The following SMCHD1 variants were observed in gnomAD, a reference collection of about 807,000 sequenced individuals.
SMCHD1 encodes the protein structural maintenance of chromosomes flexible hinge domain-containing protein 1.
A neutral mutation model predicts 254.7 loss-of-function variants in SMCHD1; 78 were observed. The ratio of observed to expected loss-of-function variants is 0.31; its 90% CI spans 0.26 to 0.37. The LOEUF is 0.37. SMCHD1 is among the 10% of genes least tolerant of loss of function. The probability of loss-of-function intolerance (pLI) is 1.00; values close to 1 mark genes in which losing one functional copy is unlikely to be tolerated. For missense variants in SMCHD1, 1,840 were observed against 2,408.1 expected, an observed-to-expected ratio of 0.76 and a Z score of 4.94; for synonymous variants, 766 against 794.9, an observed-to-expected ratio of 0.96 and a Z score of 0.61.
intron 45 of SMCHD1, among the ~76,000 whole-genome samples, chr18:2,791,803 A>T (rs1313838914): frequency 1.3e-5 from 2 of 152,204 alleles, no homozygotes; most frequent in Non-Finnish European, 2.9e-5. Context: ...GTTCACAGAC[A>T]GGTTACTGGG....
At chr18:2,656,411 C>A in intron 1 of SMCHD1, 150 bp downstream of exon 1, 1 of 773,584 alleles carries the variant, frequency 1.3e-6, no homozygotes. Flanking sequence ...CCGCCATGTC[C>A]GTGACCTGGT....
Position 2,718,687 on chromosome 18 carries a change from C to A in SMCHD1, c.2458+253C>A, listed in dbSNP as rs2074854910. ...TTTCCTGCCTCAGCCTCCCGAGTAG[C>A]TGGGATTACAGGCGCCCGCCACCAC... On this transcript the variant is annotated intron_variant, in intron 19 of 47. Coordinates refer to ENST00000320876, the MANE Select transcript of SMCHD1 (RefSeq NM_015295.3). The surrounding 1 kb of genome is among the most constrained non-coding windows in gnomAD (Gnocchi z 4.6). 6.6e-6 allele frequency among the ~76,000 whole-genome samples: 1 copy of A among 152,098 alleles called. No homozygotes were observed. Among genetic ancestry groups the A allele is most frequent in the Non-Finnish European group, 1.5e-5 (1 of 68,010 alleles).
At chr18:2,673,878 A>T in intron 4 of SMCHD1, 137 bp from the exon 5 acceptor site, 1 of 826,544 alleles carries the variant, frequency 1.2e-6, no homozygotes, top group Non-Finnish European at 1.8e-6. Flanking sequence ...AGTGCCTTTC[A>T]GAAAATTGTA....
At chr18:2,689,923 C>T (rs538744199) in intron 7 of SMCHD1, among the ~76,000 whole-genome samples, 62 of 149,006 alleles carry the variant, frequency 4.2e-4, no homozygotes, top group Middle Eastern at 3.6e-3. Flanking sequence ...GCTCAGCAGG[C>T]TGAGGTGGGA....
At chr18:2,722,936 TATA>T (rs1421290845) in intron 20 of SMCHD1, among the ~76,000 whole-genome samples, 1 of 147,052 alleles carries the variant, frequency 6.8e-6, no homozygotes, top group Non-Finnish European at 1.5e-5. Context: ...GCAAGTATGA[TATA>T]ATGTCTCTTA....
intron 8 of SMCHD1, among the ~76,000 whole-genome samples, chr18:2,696,443 C>T (rs187131738): frequency 9.5e-4 from 145 of 152,258 alleles, no homozygotes; most frequent in Non-Finnish European, 1.7e-3. Flanking sequence ...TGAGATATTG[C>T]GTGCTCCTTA....
chr18:2,702,292 T>TC (rs2074417072), intron 12 of SMCHD1: 1 of 35,860 alleles, frequency 2.8e-5, no homozygotes, highest in Non-Finnish European at 1.2e-4. Context: ...CTTCTGTATT[T>TC]AAAAAAAAAA....
chr18:2,698,188 G>T (rs2143157213), intron 10 of SMCHD1, 147 bp downstream of exon 10: 4 of 571,008 alleles, frequency 7.0e-6, no homozygotes, highest in Middle Eastern at 4.6e-4. Context: ...TTAGGTATTT[G>T]TAATTTTTGT....
At position 2,707,569 on chromosome 18, in the gene SMCHD1, T is replaced by C. The variant is rs1363244198; in HGVS notation, c.2070T>C (p.Pro690=). ...KYVEDEMARL[P]DRLSVTWPEG... ...TATGCTGGTTTCATAACAGGCTCCC[T>C]GATAGATTGTCAGTAACTTGGCCTG... The change falls in exon 16 of 48, where the codon CCT becomes CCC. Residue 690 remains proline, a synonymous_variant. Coordinates refer to ENST00000320876, the MANE Select transcript of SMCHD1 (RefSeq NM_015295.3). 1 of 1,601,080 alleles carries C rather than the reference T, an allele frequency of 6.2e-7. No individual in the cohort carries two copies. Among genetic ancestry groups the C allele is most frequent in the Non-Finnish European group, 8.5e-7 (1 of 1,172,870 alleles).
At chr18:2,750,229 A>G (rs769976275) in intron 31 of SMCHD1, 107 bp downstream of exon 31, 7 of 1,404,362 alleles carry the variant, frequency 5.0e-6, no homozygotes, top group Non-Finnish European at 4.9e-6. Context: ...GTTAGGCAAG[A>G]GTTGGGACTG....
At chr18:2,749,561 A>C (rs1190071731) in intron 30 of SMCHD1, among the ~76,000 whole-genome samples, 1 of 152,210 alleles carries the variant, frequency 6.6e-6, no homozygotes, top group East Asian at 1.9e-4. Context: ...ATCACTGTGA[A>C]TGTAGTATTG....
In SMCHD1 at chr18:2,802,807, T is replaced by C. The variant is rs1222759175; in HGVS notation, c.*255T>C. The C allele has an allele frequency of 2.7e-6, 1 of 371,202 alleles. No homozygotes were observed. Among genetic ancestry groups the C allele is most frequent in the East Asian group, 4.1e-5 (1 of 24,520 alleles). The allele number at this position is 371,202 out of a possible 1,614,324, so 23.0% of individuals were successfully genotyped here. ...CCTTTGGTTGTCACTACCTTGCAAA[T>C]GTGTAAGAGGAAAATGTGCTAATGT... On this transcript the variant is annotated 3_prime_UTR_variant, in exon 48 of 48. Transcript: ENST00000320876.
intron 5 of SMCHD1, among the ~76,000 whole-genome samples, chr18:2,687,419 T>C (rs1200754670): frequency 6.6e-6 from 1 of 152,200 alleles, no homozygotes; most frequent in East Asian, 1.9e-4. Flanking sequence ...AGAGATAATA[T>C]TCCTCTCTGT....
intron 8 of SMCHD1, 65 bp from the exon 9 acceptor site, chr18:2,696,967 A>G: frequency 1.3e-6 from 1 of 742,090 alleles, no homozygotes; most frequent in South Asian, 2.0e-5. Context: ...ATATTTTGAT[A>G]GAAGATTACA....
intron 17 of SMCHD1, among the ~76,000 whole-genome samples, chr18:2,710,464 A>C (rs2074641405): frequency 6.6e-6 from 1 of 152,240 alleles, no homozygotes; most frequent in African/African-American, 2.4e-5. Context: ...CTGAATATGC[A>C]GATCACTTTG....
chr18:2,781,519 A>G (rs2076156412), intron 44 of SMCHD1, among the ~76,000 whole-genome samples: 1 of 152,216 alleles, frequency 6.6e-6, no homozygotes, highest in African/African-American at 2.4e-5. Flanking sequence ...AATGAGAGCA[A>G]ATATTTTTAA....
intron 34 of SMCHD1, among the ~76,000 whole-genome samples, chr18:2,753,824 T>A (rs1440773221): frequency 4.6e-5 from 7 of 152,162 alleles, no homozygotes; most frequent in African/African-American, 1.7e-4. Flanking sequence ...CCCAAAATGG[T>A]GGGATTACAA....
At position 2,708,884 on chromosome 18, in the gene SMCHD1, AT is replaced by A. The variant is rs1568198233; in HGVS notation, c.2260+965del. Among the ~76,000 whole-genome samples, 534 of 68,946 alleles carry A rather than the reference AT, an allele frequency of 7.7e-3. 80 individuals carry two copies. In the East Asian group the frequency reaches 0.2, roughly 26 times the overall value. The allele number at this position is 68,946 out of a possible 152,430, so 45.2% of individuals were successfully genotyped here. A position where few individuals can be genotyped will look rare whatever the true frequency, so the allele number is the denominator to read the frequency against. ...AATAACTTCATATATATATATATATATATATATATATATATATATATATAAC... is the reference window on the plus strand; with the variant it reads ...AATAACTTCATATATATATATATATAATATATATATATATATATATATAAC... On this transcript the variant is annotated intron_variant, in intron 17 of 47. Coordinates refer to ENST00000320876, the MANE Select transcript of SMCHD1 (RefSeq NM_015295.3).
At chr18:2,771,433 C>A in intron 39 of SMCHD1, 100 bp from the exon 40 acceptor site, 3 of 823,244 alleles carry the variant, frequency 3.6e-6, no homozygotes, top group South Asian at 1.9e-5. Context: ...TAGCAACAGA[C>A]ATTAAAAGGA....
Sources: allele counts gnomAD v4.1 joint callset (sites outside exome capture counted in the v4.1 genomes callset), GRCh38; gene constraint gnomAD v4.1.1; non-coding constraint Gnocchi (gnomAD v3.1); transcripts MANE v1.5; gene names NCBI Gene and HGNC (gene_info 2026-07-23, HGNC 2026-07-21).